The following AKIRIN1 variants were observed in gnomAD, a reference collection of about 807,000 sequenced individuals.
AKIRIN1 encodes akirin-1.
In AKIRIN1, 4 loss-of-function variants were observed where a neutral mutation model predicts 25.9. The ratio of observed to expected loss-of-function variants is 0.15; its 90% CI spans 0.08 to 0.35. The LOEUF (loss-of-function observed/expected upper bound fraction) is 0.35. AKIRIN1 is among the 10% of genes least tolerant of loss of function. AKIRIN1 has a pLI of 1.00. For synonymous variants in AKIRIN1, 125 were observed against 105.1 expected, an observed-to-expected ratio of 1.19 and a Z score of -1.16; for missense variants, 243 against 266.1, an observed-to-expected ratio of 0.91 and a Z score of 0.61.
At position 39,005,826 on chromosome 1, in the gene AKIRIN1, C is replaced by T. The variant is rs1644030198; in HGVS notation, c.*1771C>T. 1 of 152,088 alleles carries T rather than the reference C, an allele frequency of 6.6e-6. No homozygotes were observed. The highest frequency in any genetic ancestry group is 1.5e-5 in the Non-Finnish European group (1 of 68,026). The allele number at this position is 152,088 out of a possible 1,614,324, so 9.4% of individuals were successfully genotyped here. The stretch of plus-strand genomic sequence containing the variant: ...AAAAACTGCAACATTATTCTTTGTA[C>T]ATTTTCATTATATAGTGTTAACAAG... On this transcript the variant is annotated 3_prime_UTR_variant, in exon 5 of 5. Transcript: ENST00000432648.
Position 39,001,113 on chromosome 1 carries a change from C to T in AKIRIN1, c.496+7C>T, listed in dbSNP as rs762386792. ...CTCAATACCAAACTAGCAGGTAGGC[C>T]CAGGCAGTGACTGCCATTGTCATTA... On this transcript the variant is annotated splice_region_variant and intron_variant, in intron 3 of 4. Coordinates refer to ENST00000432648, the MANE Select transcript of AKIRIN1 (RefSeq NM_024595.3). 21 of 1,604,088 alleles carry T rather than the reference C, an allele frequency of 1.3e-5. No individual in the cohort carries two copies. Among genetic ancestry groups the T allele is most frequent in the Middle Eastern group, 1.7e-4 (1 of 6,050 alleles).
intron 1 of AKIRIN1, among the ~76,000 whole-genome samples, chr1:38,994,095 T>C (rs1643929393): frequency 6.6e-6 from 1 of 151,576 alleles, no homozygotes; most frequent in Non-Finnish European, 1.5e-5. Context: ...GCTAAAAAAT[T>C]AGCTGGGCAA....
intron 4 of AKIRIN1, 120 bp from the exon 5 acceptor site, chr1:39,003,925 T>C (rs1175404920): frequency 3.2e-5 from 26 of 802,276 alleles, no homozygotes; most frequent in Non-Finnish European, 5.2e-5. Flanking sequence ...TTAGTATCTT[T>C]TAAGTGGTGA....
At chr1:39,003,775 T>G (rs1279376653) in intron 4 of AKIRIN1, among the ~76,000 whole-genome samples, 1 of 152,252 alleles carries the variant, frequency 6.6e-6, no homozygotes, top group Non-Finnish European at 1.5e-5. Flanking sequence ...TTATGAAAGT[T>G]GATTCCTTAA....
chr1:38,992,462 C>T (rs974223600), intron 1 of AKIRIN1, among the ~76,000 whole-genome samples: 4 of 151,454 alleles, frequency 2.6e-5, no homozygotes, highest in African/African-American at 4.9e-5. Flanking sequence ...CAAGTCGTTT[C>T]TTTGTGTGTT....
chr1:38,999,422 T>C (rs1643971699), intron 2 of AKIRIN1, among the ~76,000 whole-genome samples: 1 of 152,226 alleles, frequency 6.6e-6, no homozygotes, highest in Non-Finnish European at 1.5e-5. Context: ...ACATTTTGAT[T>C]ATGCTAAATG....
chr1:39,001,082 C>G lies in AKIRIN1; in HGVS notation c.472C>G (p.Gln158Glu), dbSNP rs1284510846. The G allele has an allele frequency of 6.2e-7, 1 of 1,612,938 alleles. No individual in the cohort carries two copies. The highest frequency in any genetic ancestry group is 1.3e-5 in the African/African-American group (1 of 74,846). ...AGATAAAATTCGGGAGGAGTATGAG[C>G]AAATCCTCAATACCAAACTAGCAGG... Reference protein sequence around the residue: ...YEDKIREEYEQILNTKLAEQY... With the variant: ...YEDKIREEYEEILNTKLAEQY... Residue 158 changes from glutamine (Q) to glutamate (E), a missense_variant, in exon 3 of 5, where the codon CAA becomes GAA. Gln to Glu is a conservative substitution (Grantham distance 29). Around this residue, in one of 3 missense-constraint regions of AKIRIN1, gnomAD observed 25 missense variants for 45.3 expected, o/e 0.55. Transcript: ENST00000432648.
chr1:38,998,128 G>T, intron 1 of AKIRIN1, 43 bp from the exon 2 acceptor site: 1 of 1,577,632 alleles, frequency 6.3e-7, no homozygotes. Flanking sequence ...TTGAAGAAAT[G>T]AGACAATAAA....
intron 3 of AKIRIN1, among the ~76,000 whole-genome samples, chr1:39,002,601 G>C (rs1644002461): frequency 2.0e-5 from 3 of 152,056 alleles, no homozygotes; most frequent in Admixed American, 1.3e-4. Context: ...ATGGTGGTGA[G>C]CACCTGTAGT....
intron 1 of AKIRIN1, among the ~76,000 whole-genome samples, chr1:38,997,576 C>G (rs186577891): frequency 1.1e-3 from 173 of 152,146 alleles, no homozygotes; most frequent in Non-Finnish European, 2.0e-3. Flanking sequence ...GTTGTTCAGG[C>G]TAGTCTCCTG....
At chr1:38,997,096 T>C (rs1396896026) in intron 1 of AKIRIN1, among the ~76,000 whole-genome samples, 2 of 148,654 alleles carry the variant, frequency 1.3e-5, no homozygotes, top group Non-Finnish European at 3.0e-5. Context: ...GCATTGTTAA[T>C]ACCTCCCACC....
intron 2 of AKIRIN1, among the ~76,000 whole-genome samples, chr1:39,000,108 T>G (rs1643977792): frequency 6.6e-6 from 1 of 152,012 alleles, no homozygotes; most frequent in South Asian, 2.1e-4. Flanking sequence ...GGTCTCGAAC[T>G]CCTGACCTCA....
rs1283011374 is a variant in AKIRIN1, at chr1:38,991,379, G to A, written c.-2G>A. 1.5e-6 allele frequency: 2 copies of A among 1,336,892 alleles called. No homozygotes were observed. Among genetic ancestry groups the A allele is most frequent in the Non-Finnish European group, 1.9e-6 (2 of 1,046,438 alleles). 82.8% of individuals were successfully genotyped at this position (1,336,892 alleles called of 1,614,324 possible). On this transcript the variant is annotated 5_prime_UTR_variant, in exon 1 of 5. Coordinates refer to ENST00000432648, the MANE Select transcript of AKIRIN1 (RefSeq NM_024595.3). ...GCTCCCGGTCCCTGGCCCCTCAGCG[G>A]CATGGCGTGCGGGGCGACGCTGAAG...
At chr1:39,002,401 A>G (rs1281035333) in intron 3 of AKIRIN1, among the ~76,000 whole-genome samples, 1 of 152,198 alleles carries the variant, frequency 6.6e-6, no homozygotes, top group Non-Finnish European at 1.5e-5. Flanking sequence ...GTTCCTTTAT[A>G]GTAGAACTAC....
At chr1:38,991,982 G>A (rs1482210475) in intron 1 of AKIRIN1, among the ~76,000 whole-genome samples, 1 of 138,346 alleles carries the variant, frequency 7.2e-6, no homozygotes, top group Non-Finnish European at 1.6e-5. Context: ...TTCTACTCAC[G>A]AACCTGGCCT....
chr1:38,998,878 A>G (rs1269318081), intron 2 of AKIRIN1, among the ~76,000 whole-genome samples: 1 of 152,014 alleles, frequency 6.6e-6, no homozygotes, highest in Non-Finnish European at 1.5e-5. Flanking sequence ...TGTCTCAAAA[A>G]AAAAAAAAGT....
intron 1 of AKIRIN1, among the ~76,000 whole-genome samples, chr1:38,996,839 A>C (rs2148066595): frequency 6.6e-6 from 1 of 152,114 alleles, no homozygotes; most frequent in African/African-American, 2.4e-5. Context: ...GGCCCATAAC[A>C]CTCTTAAAGC....
chr1:39,000,689 T>G (rs2148068828), intron 2 of AKIRIN1, among the ~76,000 whole-genome samples: 1 of 151,300 alleles, frequency 6.6e-6, no homozygotes, highest in African/African-American at 2.4e-5. Flanking sequence ...GGCGTTTTAC[T>G]CTTGTTGCCC....
intron 4 of AKIRIN1, 60 bp from the exon 5 acceptor site, chr1:39,003,985 A>G (rs1223325810): frequency 6.7e-7 from 1 of 1,481,930 alleles, no homozygotes; most frequent in East Asian, 2.3e-5. Flanking sequence ...AAATTTTTAA[A>G]GCATGACACT....
Sources: allele counts gnomAD v4.1 joint callset (sites outside exome capture counted in the v4.1 genomes callset), GRCh38; gene constraint gnomAD v4.1.1; regional missense constraint gnomAD v4.1.1; transcripts MANE v1.5; gene names NCBI Gene and HGNC (gene_info 2026-07-23, HGNC 2026-07-21).